Variants in ACSM1 observed in about 807,000 individuals in gnomAD.
The protein encoded by ACSM1 is acyl-coenzyme A synthetase ACSM1, mitochondrial.
Under a neutral mutation model 75.8 loss-of-function variants are expected in ACSM1, and 79 were observed. The observed-to-expected ratio is 1.04, with a 90% CI of 0.87 to 1.26. The LOEUF is 1.26. ACSM1 is among the 50% of genes most tolerant of loss of function. The pLI is 0.00. For synonymous variants in ACSM1, 279 were observed against 265.8 expected, an observed-to-expected ratio of 1.05 and a Z score of -0.48; for missense variants, 676 against 720.1, an observed-to-expected ratio of 0.94 and a Z score of 0.70.
At chr16:20,671,736 G>T (rs2019921020) in intron 4 of ACSM1, 65 bp from the exon 5 acceptor site, 2 of 1,430,086 alleles carry the variant, frequency 1.4e-6, no homozygotes, top group African/African-American at 2.9e-5. Context: ...TTCTGGGAAT[G>T]CAAAAGAAAC....
chr16:20,661,766 ATGT>A, intron 7 of ACSM1, 25 bp downstream of exon 7: 1 of 1,525,164 alleles, frequency 6.6e-7, no homozygotes, highest in Non-Finnish European at 9.1e-7. Context: ...TTACCCAAAG[ATGT>A]TGTTACAAGC....
chr16:20,669,797 T>C, intron 6 of ACSM1, 30 bp downstream of exon 6: 6 of 1,601,256 alleles, frequency 3.7e-6, no homozygotes, highest in Non-Finnish European at 5.1e-6. Flanking sequence ...TTCTGGAATT[T>C]TGCTGATAGG....
intron 2 of ACSM1, among the ~76,000 whole-genome samples, chr16:20,687,875 G>A (rs1452434938): frequency 6.6e-5 from 10 of 152,156 alleles, no homozygotes; most frequent in Non-Finnish European, 1.5e-4. Context: ...CTTGAGGTCA[G>A]GAGTTTGAGA....
intron 2 of ACSM1, among the ~76,000 whole-genome samples, chr16:20,687,567 C>T (rs1407772258): frequency 6.6e-6 from 1 of 151,994 alleles, no homozygotes; most frequent in Non-Finnish European, 1.5e-5. Context: ...ATAAAGCACA[C>T]AAAGGAGCAG....
At position 20,682,473 on chromosome 16, in the gene ACSM1, A is replaced by G. The variant is rs184172714; in HGVS notation, c.404-10T>C. 6.2e-6 allele frequency: 10 copies of G among 1,610,134 alleles called. No homozygotes were observed. In the East Asian group the frequency reaches 1.1e-4, roughly 18 times the overall value. On this transcript the variant is annotated splice_polypyrimidine_tract_variant and intron_variant, in intron 3 of 13. Transcript: ENST00000520010. ...GGAATGAAGATGATCCCTGGGGATG[A>G]GAAAGGAACTGATTGTTTTGGTTTC...
In ACSM1 at chr16:20,636,855, C is replaced by G; in HGVS notation, c.1198-15G>C. On this transcript the variant is annotated splice_polypyrimidine_tract_variant and intron_variant, in intron 9 of 13. Coordinates refer to ENST00000520010, the MANE Select transcript of ACSM1 (RefSeq NM_001318890.3). Reference sequence around the variant, plus strand: ...TCATCAATGACCTGTAGCAAGAGGCCTGTGAATCATACACTGCAGGAGGCC... The same window carrying G: ...TCATCAATGACCTGTAGCAAGAGGCGTGTGAATCATACACTGCAGGAGGCC... 1 of 1,606,414 alleles carries G rather than the reference C, an allele frequency of 6.2e-7. No individual in the cohort carries two copies. The highest frequency in any genetic ancestry group is 8.5e-7 in the Non-Finnish European group (1 of 1,173,508).
chr16:20,687,667 A>C (rs1485872305), intron 2 of ACSM1, among the ~76,000 whole-genome samples: 1 of 152,232 alleles, frequency 6.6e-6, no homozygotes, highest in Non-Finnish European at 1.5e-5. Flanking sequence ...AAAGATTTTA[A>C]ATCAATTGTC....
chr16:20,685,056 TG>T, intron 3 of ACSM1, 136 bp downstream of exon 3: 1 of 827,186 alleles, frequency 1.2e-6, no homozygotes, highest in Non-Finnish European at 2.0e-6. Flanking sequence ...CCTTGCTTTG[TG>T]GTCCCAGCAC....
intron 10 of ACSM1, among the ~76,000 whole-genome samples, chr16:20,628,376 G>A (rs1301527574): frequency 6.6e-6 from 1 of 152,114 alleles, no homozygotes. Flanking sequence ...TCATCAGGAA[G>A]ATCTCTGATG....
intron 10 of ACSM1, among the ~76,000 whole-genome samples, chr16:20,636,066 T>C (rs953452213): frequency 5.3e-5 from 8 of 152,146 alleles, no homozygotes; most frequent in African/African-American, 1.4e-4. Context: ...AGTGTGAGGA[T>C]GGCAGTGACA....
intron 7 of ACSM1, among the ~76,000 whole-genome samples, chr16:20,655,728 T>C (rs2018923046): frequency 6.6e-6 from 1 of 152,176 alleles, no homozygotes; most frequent in African/African-American, 2.4e-5. Context: ...AGTGGCATGA[T>C]CTCAGCTCAC....
chr16:20,674,195 G>T (rs1301030894), intron 4 of ACSM1: 3 of 364,544 alleles, frequency 8.2e-6, no homozygotes, highest in Non-Finnish European at 1.7e-5. Context: ...AGAGAAAGAG[G>T]TGGAGTCCTT....
At chr16:20,664,488 G>A (rs1477287271) in intron 6 of ACSM1, among the ~76,000 whole-genome samples, 3 of 152,118 alleles carry the variant, frequency 2.0e-5, no homozygotes, top group African/African-American at 7.2e-5. Flanking sequence ...CCAAATGTTG[G>A]AACACCTAGA....
chr16:20,682,859 T>C (rs1025010163), intron 3 of ACSM1, among the ~76,000 whole-genome samples: 7 of 152,190 alleles, frequency 4.6e-5, no homozygotes, highest in African/African-American at 1.4e-4. Context: ...CCCTTCCTTT[T>C]CCCCTTTCTG....
intron 12 of ACSM1, 145 bp downstream of exon 12, chr16:20,625,278 A>T: frequency 2.8e-6 from 2 of 726,482 alleles, no homozygotes; most frequent in Non-Finnish European, 4.5e-6. Flanking sequence ...GAGAGTCCAC[A>T]CTGTCCCCTG....
chr16:20,691,422 C>T (rs545426036), intron 1 of ACSM1, among the ~76,000 whole-genome samples, 183 bp from the exon 2 acceptor site: 4 of 152,186 alleles, frequency 2.6e-5, no homozygotes, highest in Middle Eastern at 6.8e-3. Context: ...TGGCAGAAAA[C>T]GCTGGGGAGG....
intron 7 of ACSM1, among the ~76,000 whole-genome samples, chr16:20,655,051 T>C (rs2018873332): frequency 6.6e-6 from 1 of 152,070 alleles, no homozygotes; most frequent in South Asian, 2.1e-4. Context: ...ATATACACCA[T>C]GGAATACTAT....
At chr16:20,628,749 C>A (rs953986855) in intron 10 of ACSM1, among the ~76,000 whole-genome samples, 1 of 152,048 alleles carries the variant, frequency 6.6e-6, no homozygotes, top group Admixed American at 6.6e-5. Context: ...TGTACATTTG[C>A]ATACATGTTT....
chr16:20,669,956 A>G lies in ACSM1; in HGVS notation c.783T>C (p.Asp261=), dbSNP rs2019804688. 3 of 1,613,744 alleles carry G rather than the reference A, an allele frequency of 1.9e-6. No homozygotes were observed. Among genetic ancestry groups the G allele is most frequent in the South Asian group, 1.1e-5 (1 of 91,082 alleles). Residue 261 remains aspartate, a synonymous_variant, in exon 6 of 14, where the codon GAT becomes GAC. Coordinates refer to ENST00000520010, the MANE Select transcript of ACSM1 (RefSeq NM_001318890.3). ...CTGAGTCCGACAGGCACCAGGAGACATCAGATGTCTTCAGGCTCCGTAATT... is the reference window on the plus strand; with the variant it reads ...CTGAGTCCGACAGGCACCAGGAGACGTCAGATGTCTTCAGGCTCCGTAATT... ...SRKLRSLKTS[D]VSWCLSDSGW...
Sources: gnomAD v4.1 joint callset for allele counts (sites outside exome capture counted in the v4.1 genomes callset) on GRCh38, gnomAD v4.1.1 for gene constraint, MANE v1.5 for transcripts, NCBI Gene and HGNC (gene_info 2026-07-23, HGNC 2026-07-21) for gene names.